The following CLASP1 variants were observed in gnomAD, a reference collection of about 807,000 sequenced individuals.
The protein encoded by CLASP1 is CLIP-associating protein 1.
Under a neutral mutation model 192.3 loss-of-function variants are expected in CLASP1, and 38 were observed. The observed-to-expected ratio is 0.20, with a 90% CI of 0.15 to 0.26. The LOEUF (loss-of-function observed/expected upper bound fraction) is 0.26, where lower values mean the gene tolerates loss of function less well. CLASP1 is among the 10% of genes least tolerant of loss of function. CLASP1 has a pLI of 1.00. For synonymous variants in CLASP1, 691 were observed against 712.8 expected, an observed-to-expected ratio of 0.97 and a Z score of 0.49; for missense variants, 1,433 against 1,932.5, an observed-to-expected ratio of 0.74 and a Z score of 4.85.
rs185584049 is a variant in CLASP1, at chr2:121,577,445, C to G, written c.195+28256G>C. On this transcript the variant is annotated intron_variant, in intron 2 of 39. Transcript: ENST00000263710. ...GAAAACCTATCTGGCTAACTTTTTA[C>G]ACTGAGTAAAACAAAACAACAAACA... 1.8e-4 allele frequency among the ~76,000 whole-genome samples: 28 copies of G among 152,270 alleles called. 1 individual carries two copies. The highest frequency in any genetic ancestry group is 6.5e-4 in the African/African-American group (27 of 41,556).
intron 1 of CLASP1, among the ~76,000 whole-genome samples, chr2:121,628,154 CA>C (rs1293509140): frequency 6.6e-6 from 1 of 151,724 alleles, no homozygotes; most frequent in East Asian, 1.9e-4. Flanking sequence ...TATGGATTTA[CA>C]AAAAAAATTC....
chr2:121,439,587 GTAGTCA>G (rs966116383), intron 19 of CLASP1, among the ~76,000 whole-genome samples: 3 of 152,034 alleles, frequency 2.0e-5, no homozygotes, highest in African/African-American at 7.2e-5. Flanking sequence ...TATGTACCCA[GTAGTCA>G]TTCAGGAGCA....
chr2:121,569,219 G>A lies in CLASP1; in HGVS notation c.195+36482C>T, dbSNP rs531367843. ...GTGGCAAAGTAATTGACTGAGGGTAGAGACTATTTTAGCTAGGGACGTCAC... is the reference window on the plus strand; with the variant it reads ...GTGGCAAAGTAATTGACTGAGGGTAAAGACTATTTTAGCTAGGGACGTCAC... On this transcript the variant is annotated intron_variant, in intron 2 of 39. Transcript: ENST00000263710. Among the ~76,000 whole-genome samples the A allele has an allele frequency of 5.9e-5, 9 of 152,304 alleles. 1 individual carries two copies. In the South Asian group the frequency reaches 1.9e-3, roughly 32 times the overall value.
chr2:121,593,576 G>C (rs2062688213), intron 2 of CLASP1, among the ~76,000 whole-genome samples: 1 of 139,432 alleles, frequency 7.2e-6, no homozygotes, highest in African/African-American at 2.9e-5. Context: ...CTGAGATCGT[G>C]CCACTGCACT....
At chr2:121,631,008 A>C (rs930953161) in intron 1 of CLASP1, among the ~76,000 whole-genome samples, 1 of 151,486 alleles carries the variant, frequency 6.6e-6, no homozygotes, top group African/African-American at 2.4e-5. Flanking sequence ...AAATACAAAA[A>C]ATTAGCCGGG....
At chr2:121,555,054 C>A (rs1178986884) in intron 2 of CLASP1, among the ~76,000 whole-genome samples, 1 of 152,180 alleles carries the variant, frequency 6.6e-6, no homozygotes, top group Admixed American at 6.5e-5. Flanking sequence ...GGGTCAGGAA[C>A]TGAGAGTTGT....
intron 30 of CLASP1, 126 bp downstream of exon 31, chr2:121,397,014 G>A: frequency 1.2e-6 from 1 of 838,128 alleles, no homozygotes; most frequent in African/African-American, 1.7e-5. Context: ...AGAGAAAAGG[G>A]CAACAGCAGA....
At position 121,500,397 on chromosome 2, in the gene CLASP1, AAAAG is replaced by A. The variant is rs879893741; in HGVS notation, c.712+2766_712+2769del. Among the ~76,000 whole-genome samples the A allele has an allele frequency of 1.5e-3, 198 of 132,204 alleles. 1 individual carries two copies. The highest frequency in any genetic ancestry group is 4.3e-3 in the African/African-American group (156 of 36,396). The allele number at this position is 132,204 out of a possible 152,430, so 86.7% of individuals were successfully genotyped here. A position where few individuals can be genotyped will look rare whatever the true frequency, so the allele number is the denominator to read the frequency against. On this transcript the variant is annotated intron_variant, in intron 8 of 39. Coordinates refer to ENST00000263710, the Ensembl canonical transcript of CLASP1. ...GAAAGAAAGAAAGAAAGAAAGAAAG[AAAAG>A]AAAGAAAGAAAGAAAAAAAAGAAAA...
chr2:121,376,391 T>G (rs550666584), intron 34 of CLASP1, among the ~76,000 whole-genome samples: 30 of 152,160 alleles, frequency 2.0e-4, no homozygotes, highest in African/African-American at 7.0e-4. Flanking sequence ...ATGGATGAAC[T>G]GGAGGACATT....
chr2:121,582,347 G>A (rs1425562238), intron 2 of CLASP1, among the ~76,000 whole-genome samples: 1 of 147,708 alleles, frequency 6.8e-6, no homozygotes. Flanking sequence ...GAAAGAGGAG[G>A]AGAGAGAGAG....
chr2:121,351,963 T>A (rs982449372), intron 37 of CLASP1, among the ~76,000 whole-genome samples: 5 of 152,242 alleles, frequency 3.3e-5, no homozygotes, highest in Non-Finnish European at 7.3e-5. Context: ...GCCTCCTGTG[T>A]GTCAGAGACT....
exon 40 of CLASP1, chr2:121,339,118 A>C (rs13395216): frequency 1.6e-3 from 230 of 141,314 alleles, no homozygotes; most frequent in Admixed American, 3.7e-3. Context: ...TGCACGCACA[A>C]ACACACACAA....
intron 8 of CLASP1, among the ~76,000 whole-genome samples, chr2:121,483,103 A>G (rs1383006683): frequency 6.6e-6 from 1 of 152,158 alleles, no homozygotes; most frequent in African/African-American, 2.4e-5. Flanking sequence ...CCTCTTCTAG[A>G]TACCAAAGCT....
intron 1 of CLASP1, among the ~76,000 whole-genome samples, chr2:121,625,048 T>G (rs1276814524): frequency 6.6e-6 from 1 of 152,324 alleles, no homozygotes; most frequent in African/African-American, 2.4e-5. Flanking sequence ...ATCCGTTAAA[T>G]TAATTGAGGC....
chr2:121,374,773 T>C (rs2069607805), intron 34 of CLASP1, among the ~76,000 whole-genome samples: 1 of 152,252 alleles, frequency 6.6e-6, no homozygotes, highest in Admixed American at 6.5e-5. Flanking sequence ...CCCTTTGTTT[T>C]GGCCAATTTC....
chr2:121,462,672 G>T, intron 9 of CLASP1, 67 bp from the exon 10 acceptor site: 1 of 873,452 alleles, frequency 1.1e-6, no homozygotes, highest in Non-Finnish European at 1.8e-6. Context: ...CACTGAAGAA[G>T]TCTAAACATA....
At chr2:121,527,874 A>G (rs776690487) in exon 5 of CLASP1, 1 of 1,613,678 alleles carries the variant, frequency 6.2e-7, no homozygotes, top group African/African-American at 1.3e-5. Context: ...GCCTCCAAGC[A>G]TTCTGTCCCA....
chr2:121,342,077 G>A (rs1390718720), intron 39 of CLASP1, among the ~76,000 whole-genome samples: 1 of 151,800 alleles, frequency 6.6e-6, no homozygotes, highest in Non-Finnish European at 1.5e-5. Flanking sequence ...CAACCAATGA[G>A]TAAAGAAGAG....
At chr2:121,459,238 C>A (rs1458791312) in intron 12 of CLASP1, among the ~76,000 whole-genome samples, 2 of 151,900 alleles carry the variant, frequency 1.3e-5, no homozygotes, top group Non-Finnish European at 2.9e-5. Context: ...ACCTTGCCCA[C>A]GTTGAACTTG....
Sources: allele counts gnomAD v4.1 joint callset (sites outside exome capture counted in the v4.1 genomes callset), GRCh38; gene constraint gnomAD v4.1.1; transcripts MANE v1.5; gene names NCBI Gene and HGNC (gene_info 2026-07-23, HGNC 2026-07-21).